The following PIP5K1B variants were observed in gnomAD, a reference collection of about 807,000 sequenced individuals.
PIP5K1B encodes phosphatidylinositol 4-phosphate 5-kinase type-1 beta.
PIP5K1B carries 42 observed loss-of-function variants against 67.0 expected under a neutral mutation model. The ratio of observed to expected loss-of-function variants is 0.63; its 90% CI spans 0.49 to 0.81. PIP5K1B has a LOEUF of 0.81. Among genes scored for constraint, PIP5K1B ranks in the 30% least tolerant of loss-of-function variants. The pLI, the probability that PIP5K1B is intolerant of heterozygous loss-of-function variation, is 0.00. For missense variants in PIP5K1B, 459 were observed against 646.3 expected, an observed-to-expected ratio of 0.71 and a Z score of 3.14; for synonymous variants, 214 against 231.4, an observed-to-expected ratio of 0.92 and a Z score of 0.68.
intron 15 of PIP5K1B, among the ~76,000 whole-genome samples, chr9:68,997,400 G>A (rs1251939165): frequency 6.6e-6 from 1 of 152,212 alleles, no homozygotes; most frequent in African/African-American, 2.4e-5. Flanking sequence ...ATTTGAAACA[G>A]TGGCATTTCT....
At chr9:68,985,751 C>T (rs1045174270) in intron 14 of PIP5K1B, among the ~76,000 whole-genome samples, 3 of 152,192 alleles carry the variant, frequency 2.0e-5, no homozygotes, top group African/African-American at 4.8e-5. Flanking sequence ...CCAGAGAGCT[C>T]GAAATCTCAG....
chr9:68,721,871 C>G (rs1423383282), intron 1 of PIP5K1B, among the ~76,000 whole-genome samples: 1 of 152,166 alleles, frequency 6.6e-6, no homozygotes, highest in African/African-American at 2.4e-5. Context: ...TCTTCACTTG[C>G]AATTTCATTT....
At chr9:68,806,691 T>C (rs1301182117) in intron 2 of PIP5K1B, among the ~76,000 whole-genome samples, 2 of 152,202 alleles carry the variant, frequency 1.3e-5, no homozygotes, top group Non-Finnish European at 2.9e-5. Flanking sequence ...CGCCTGCTCC[T>C]TCCCTCCTGC....
At chr9:68,848,549 G>T (rs1171490461) in intron 4 of PIP5K1B, among the ~76,000 whole-genome samples, 1 of 152,144 alleles carries the variant, frequency 6.6e-6, no homozygotes, top group African/African-American at 2.4e-5. Context: ...TTGTGAATAT[G>T]GGTGTAAATT....
intron 2 of PIP5K1B, among the ~76,000 whole-genome samples, chr9:68,749,626 A>G (rs1463968052): frequency 1.3e-5 from 2 of 152,232 alleles, no homozygotes; most frequent in Non-Finnish European, 2.9e-5. Flanking sequence ...TAAAAAGGAC[A>G]GAAGTCCTTC....
At chr9:68,993,052 C>T (rs903789522) in intron 15 of PIP5K1B, among the ~76,000 whole-genome samples, 9 of 151,984 alleles carry the variant, frequency 5.9e-5, no homozygotes, top group South Asian at 4.2e-4. Flanking sequence ...GTCCCAGCTA[C>T]TCGGAAGGCT....
At chr9:68,791,001 G>C (rs778327064) in intron 2 of PIP5K1B, among the ~76,000 whole-genome samples, 2 of 152,156 alleles carry the variant, frequency 1.3e-5, no homozygotes, top group African/African-American at 2.4e-5. Context: ...AGAGAACAGA[G>C]AACCTATTGC....
At chr9:69,008,145 C>T (rs1270805609) in intron 15 of PIP5K1B, among the ~76,000 whole-genome samples, 1 of 152,198 alleles carries the variant, frequency 6.6e-6, no homozygotes, top group African/African-American at 2.4e-5. Flanking sequence ...CCCCTCATCC[C>T]TGTGCACTTG....
At chr9:68,945,134 G>A (rs762706896) in intron 14 of PIP5K1B, among the ~76,000 whole-genome samples, 41 of 151,024 alleles carry the variant, frequency 2.7e-4, no homozygotes, top group African/African-American at 9.5e-4. Flanking sequence ...CTTATGTTTT[G>A]GTTTTTGGGT....
At chr9:68,776,020 G>A (rs1564125321) in intron 2 of PIP5K1B, among the ~76,000 whole-genome samples, 2 of 152,070 alleles carry the variant, frequency 1.3e-5, no homozygotes, top group Non-Finnish European at 1.5e-5. Context: ...TTCCTTAGTC[G>A]TGGGCTATAA....
At chr9:68,993,954 T>A (rs1830491679) in intron 15 of PIP5K1B, among the ~76,000 whole-genome samples, 1 of 151,440 alleles carries the variant, frequency 6.6e-6, no homozygotes, top group South Asian at 2.1e-4. Flanking sequence ...CTTACAAGAG[T>A]GAGGGAAGGA....
At chr9:68,891,489 T>C (rs570838932) in intron 7 of PIP5K1B, among the ~76,000 whole-genome samples, 2 of 151,946 alleles carry the variant, frequency 1.3e-5, no homozygotes, top group East Asian at 1.9e-4. Context: ...ATTATACAAG[T>C]TGTACATTTA....
chr9:68,809,278 T>TTTG (rs78628915), intron 2 of PIP5K1B, among the ~76,000 whole-genome samples: 9 of 151,978 alleles, frequency 5.9e-5, no homozygotes, highest in Admixed American at 2.6e-4. Context: ...TCTCCTGCTT[T>TTTG]TTGTTGTTGT....
At chr9:68,803,311 C>T (rs929687443) in intron 2 of PIP5K1B, among the ~76,000 whole-genome samples, 3 of 152,098 alleles carry the variant, frequency 2.0e-5, no homozygotes, top group Admixed American at 6.5e-5. Flanking sequence ...AGTCTGGGCT[C>T]AAAGAGTTAT....
At chr9:68,926,126 A>C (rs932901343) in intron 12 of PIP5K1B, among the ~76,000 whole-genome samples, 4 of 151,922 alleles carry the variant, frequency 2.6e-5, no homozygotes, top group Non-Finnish European at 5.9e-5. Context: ...GATTTTTTTC[A>C]CTTTTCTTAG....
intron 1 of PIP5K1B, among the ~76,000 whole-genome samples, chr9:68,721,163 C>T (rs1827864060): frequency 6.6e-6 from 1 of 152,154 alleles, no homozygotes; most frequent in African/African-American, 2.4e-5. Flanking sequence ...ATTTCTTCTA[C>T]AGGCAATGAG....
At chr9:68,859,178 T>G (rs1380056266) in intron 4 of PIP5K1B, among the ~76,000 whole-genome samples, 1 of 152,258 alleles carries the variant, frequency 6.6e-6, no homozygotes, top group Non-Finnish European at 1.5e-5. Context: ...TATGTAGCTA[T>G]GTAACAGTTG....
At position 68,708,070 on chromosome 9, in the gene PIP5K1B, C is replaced by CT. The variant is rs77154975; in HGVS notation, c.-243+2311dup. On this transcript the variant is annotated intron_variant, in intron 1 of 15. Transcript: ENST00000265382. ...TCACCTTTAGTTTATCCCTTCCCCC[C>CT]TTTACTACATGCCACTTCATCAAAG... is the stretch of plus-strand genomic sequence containing the variant. The CT allele has an allele frequency of 1.4e-4, 22 of 152,298 alleles. No individual in the cohort carries two copies. The East Asian group carries it at 4.0e-3, about 28-fold the overall frequency. The allele number at this position is 152,298 out of a possible 1,614,324, so 9.4% of individuals were successfully genotyped here.
intron 15 of PIP5K1B, among the ~76,000 whole-genome samples, chr9:68,996,922 A>AAAG (rs1476268188): frequency 1.3e-4 from 20 of 152,190 alleles, no homozygotes; most frequent in African/African-American, 4.3e-4. Context: ...CCATATTAAC[A>AAAG]TCCTCTCAAT....
Sources: allele counts gnomAD v4.1 joint callset (sites outside exome capture counted in the v4.1 genomes callset), GRCh38; gene constraint gnomAD v4.1.1; transcripts MANE v1.5; gene names NCBI Gene and HGNC (gene_info 2026-07-23, HGNC 2026-07-21).